Variants in CBFA2T2 observed in about 807,000 individuals in gnomAD.
CBFA2T2 encodes the protein protein CBFA2T2.
In CBFA2T2, 11 loss-of-function variants were observed where a neutral mutation model predicts 62.2. The observed-to-expected ratio is 0.18, with a 90% CI of 0.11 to 0.29. The LOEUF (loss-of-function observed/expected upper bound fraction) is 0.29. CBFA2T2 is among the 10% of genes least tolerant of loss of function. The pLI, the probability that CBFA2T2 is intolerant of heterozygous loss-of-function variation, is 1.00. For missense variants in CBFA2T2, 592 were observed against 774.1 expected (o/e 0.76, Z 2.79); for synonymous variants, 295 against 287.5 (o/e 1.03, Z -0.27).
At chr20:33,619,031 G>A (rs1015562238) in intron 3 of CBFA2T2, among the ~76,000 whole-genome samples, 2 of 152,282 alleles carry the variant, frequency 1.3e-5, no homozygotes, top group Admixed American at 6.5e-5. Flanking sequence ...TTTGCCAGGC[G>A]TCTGAGTTCC....
At chr20:33,565,844 A>G (rs999195827) in intron 1 of CBFA2T2, among the ~76,000 whole-genome samples, 1 of 152,216 alleles carries the variant, frequency 6.6e-6, no homozygotes, top group Non-Finnish European at 1.5e-5. Flanking sequence ...CAATAATGCC[A>G]ATAAACTGGA....
intron 1 of CBFA2T2, chr20:33,574,243 C>T: frequency 6.2e-7 from 1 of 1,613,436 alleles, no homozygotes; most frequent in Non-Finnish European, 8.5e-7. Flanking sequence ...AATACAGGTC[C>T]TGGCAAGGCA....
chr20:33,545,739 T>A (rs1292654937), intron 1 of CBFA2T2, among the ~76,000 whole-genome samples: 1 of 152,226 alleles, frequency 6.6e-6, no homozygotes, highest in Non-Finnish European at 1.5e-5. Flanking sequence ...TGAGCCAACA[T>A]ACTCAGACTT....
chr20:33,510,457 C>T (rs145712599), intron 1 of CBFA2T2, among the ~76,000 whole-genome samples: 3,416 of 151,766 alleles, frequency 0.023, 124 homozygotes, highest in African/African-American at 0.078. Context: ...GTGATCCGCC[C>T]GCCTCGGCCT....
rs60957531 is a variant in CBFA2T2 at position 33,632,471 on chromosome 20, C to CTT, written c.1228+2573_1228+2574dup. On this transcript the variant is annotated intron_variant, in intron 8 of 10. Transcript: ENST00000342704. ...ACATTTCAAAGAATTTCACCAATGA[C>CTT]TTTTTTTTTTTTTTTTTAACAGAGT... Among the ~76,000 whole-genome samples, 360 of 137,892 alleles carry CTT rather than the reference C, an allele frequency of 2.6e-3. 2 individuals are homozygous for CTT. The highest frequency in any genetic ancestry group is 6.4e-3 in the African/African-American group (241 of 37,532). 90.5% of individuals were successfully genotyped at this position (137,892 alleles called of 152,430 possible).
chr20:33,624,637 C>G, intron 5 of CBFA2T2, 127 bp from the exon 6 acceptor site: 2 of 1,031,746 alleles, frequency 1.9e-6, no homozygotes, highest in Non-Finnish European at 2.9e-6. Flanking sequence ...CATGTCACAC[C>G]TTTCCTTAGA....
At chr20:33,539,308 T>C (rs1011985225) in intron 1 of CBFA2T2, among the ~76,000 whole-genome samples, 8 of 152,240 alleles carry the variant, frequency 5.3e-5, no homozygotes, top group African/African-American at 1.9e-4. Flanking sequence ...GGGTAGTCTG[T>C]AAATATTTAG....
intron 1 of CBFA2T2, among the ~76,000 whole-genome samples, chr20:33,495,982 A>G (rs1313377369): frequency 2.0e-5 from 3 of 152,160 alleles, no homozygotes; most frequent in Admixed American, 2.0e-4. Flanking sequence ...CTGAGGGTAT[A>G]CCATCTGACT....
At chr20:33,614,059 G>A (rs1437010866) in intron 3 of CBFA2T2, among the ~76,000 whole-genome samples, 1 of 150,748 alleles carries the variant, frequency 6.6e-6, no homozygotes, top group African/African-American at 2.4e-5. Context: ...AGCTTGCAGT[G>A]AGCCAAGATC....
intron 9 of CBFA2T2, among the ~76,000 whole-genome samples, 185 bp downstream of exon 9, chr20:33,636,893 T>C (rs2016653670): frequency 1.3e-5 from 2 of 152,208 alleles, no homozygotes; most frequent in African/African-American, 2.4e-5. Context: ...CCTGTCTTGT[T>C]AATTTGCAGG....
intron 1 of CBFA2T2, among the ~76,000 whole-genome samples, chr20:33,538,586 C>G (rs1446727470): frequency 6.6e-6 from 1 of 152,118 alleles, no homozygotes; most frequent in East Asian, 1.9e-4. Flanking sequence ...CTAGGCTAGT[C>G]TTGAACTGAC....
chr20:33,522,564 T>A (rs190248942), intron 1 of CBFA2T2, among the ~76,000 whole-genome samples: 1,533 of 146,694 alleles, frequency 0.01, 15 homozygotes, highest in South Asian at 0.017. Flanking sequence ...CCTGTTTGTT[T>A]AAAAAAAAAA....
chr20:33,592,374 TTATA>T (rs11473567), intron 1 of CBFA2T2, among the ~76,000 whole-genome samples: 2 of 142,980 alleles, frequency 1.4e-5, no homozygotes, highest in East Asian at 2.0e-4. Flanking sequence ...AAAAAAAATT[TTATA>T]TATATATATA....
chr20:33,545,433 T>TTC (rs1251783616), intron 1 of CBFA2T2, among the ~76,000 whole-genome samples: 41 of 149,166 alleles, frequency 2.7e-4, no homozygotes, highest in African/African-American at 7.1e-4. Context: ...TTAAGACTCT[T>TTC]TCTTTCTCTT....
chr20:33,500,370 A>G (rs994161802), intron 1 of CBFA2T2, among the ~76,000 whole-genome samples: 35 of 151,936 alleles, frequency 2.3e-4, no homozygotes, highest in African/African-American at 8.2e-4. Flanking sequence ...GATTTCCCAT[A>G]ATCTTTCTTC....
At chr20:33,529,097 T>G (rs2011970826) in intron 1 of CBFA2T2, among the ~76,000 whole-genome samples, 1 of 151,970 alleles carries the variant, frequency 6.6e-6, no homozygotes, top group Non-Finnish European at 1.5e-5. Flanking sequence ...GCAATCTCAG[T>G]TCACTGCAAG....
intron 1 of CBFA2T2, among the ~76,000 whole-genome samples, chr20:33,597,033 T>G (rs2014924390): frequency 6.7e-6 from 1 of 149,078 alleles, no homozygotes; most frequent in African/African-American, 2.5e-5. Context: ...GAAGGAATCC[T>G]CCTGTCTGAG....
At chr20:33,573,701 C>T (rs760225766) in intron 1 of CBFA2T2, among the ~76,000 whole-genome samples, 3 of 151,950 alleles carry the variant, frequency 2.0e-5, no homozygotes, top group East Asian at 3.9e-4. Context: ...AGGCTGGCCT[C>T]GAACTCCTGA....
At chr20:33,498,935 C>G (rs2011235289) in intron 1 of CBFA2T2, among the ~76,000 whole-genome samples, 1 of 151,760 alleles carries the variant, frequency 6.6e-6, no homozygotes, top group Non-Finnish European at 1.5e-5. Context: ...CTCAGCTACT[C>G]AGGAGGCTGA....
Sources: gnomAD v4.1 joint callset for allele counts (sites outside exome capture counted in the v4.1 genomes callset) on GRCh38, gnomAD v4.1.1 for gene constraint, MANE v1.5 for transcripts, NCBI Gene and HGNC (gene_info 2026-07-23, HGNC 2026-07-21) for gene names.